Variants in DTNA observed in about 807,000 individuals in gnomAD.
The protein encoded by DTNA is dystrophin-related protein 3.
In DTNA, 43 loss-of-function variants were observed where a neutral mutation model predicts 100.7. The ratio of observed to expected loss-of-function variants is 0.43; its 90% CI spans 0.33 to 0.55. The LOEUF (loss-of-function observed/expected upper bound fraction) is 0.55, where lower values mean the gene tolerates loss of function less well. DTNA is among the 20% of genes least tolerant of loss of function. The probability of loss-of-function intolerance (pLI) is 0.04; values close to 1 mark genes in which losing one functional copy is unlikely to be tolerated. For missense variants in DTNA, 798 were observed against 953.9 expected (o/e 0.84, Z 2.15); for synonymous variants, 349 against 347.9 (o/e 1.00, Z -0.04).
At chr18:34,642,933 C>A (rs1335952242) in intron 1 of DTNA, among the ~76,000 whole-genome samples, 1 of 152,166 alleles carries the variant, frequency 6.6e-6, no homozygotes, top group Non-Finnish European at 1.5e-5. Context: ...TTCAGACCCT[C>A]CCAGAAATGT....
chr18:34,866,041 T>A, intron 17 of DTNA: 2 of 1,578,412 alleles, frequency 1.3e-6, no homozygotes, highest in Non-Finnish European at 1.7e-6. Context: ...CTTGCGTTCC[T>A]TCACACTGTG....
intron 1 of DTNA, among the ~76,000 whole-genome samples, chr18:34,512,286 T>A (rs555484299): frequency 6.6e-5 from 10 of 152,158 alleles, no homozygotes; most frequent in African/African-American, 2.4e-4. Flanking sequence ...AACTTAAGCT[T>A]CAGTACCTTA....
chr18:34,825,126 C>A, intron 9 of DTNA: 1 of 1,127,894 alleles, frequency 8.9e-7, no homozygotes, highest in Non-Finnish European at 1.3e-6. Context: ...GAGGTGCTGC[C>A]AGTCATGAAT....
chr18:34,749,203 TCTAGGAG>T (rs1252845038), intron 1 of DTNA, among the ~76,000 whole-genome samples: 3 of 152,180 alleles, frequency 2.0e-5, no homozygotes, highest in Admixed American at 6.5e-5. Flanking sequence ...ATTTATCAGA[TCTAGGAG>T]CTTTTTGGAC....
At chr18:34,844,045 T>G (rs1252684487) in intron 13 of DTNA, among the ~76,000 whole-genome samples, 2 of 152,122 alleles carry the variant, frequency 1.3e-5, no homozygotes, top group Non-Finnish European at 2.9e-5. Context: ...GAACTGGACT[T>G]CTGAGAAAGA....
intron 2 of DTNA, among the ~76,000 whole-genome samples, chr18:34,763,030 T>C (rs191696136): frequency 3.3e-5 from 5 of 151,952 alleles, no homozygotes; most frequent in African/African-American, 1.2e-4. Flanking sequence ...GCTCAGAGGG[T>C]AAGGTCTTGC....
At chr18:34,566,971 C>T (rs574918103) in intron 1 of DTNA, among the ~76,000 whole-genome samples, 158 of 152,260 alleles carry the variant, frequency 1.0e-3, no homozygotes, top group African/African-American at 3.2e-3. Flanking sequence ...CTGAAATACC[C>T]GGATCGCTGT....
chr18:34,547,551 GC>G (rs1361433222), intron 1 of DTNA, among the ~76,000 whole-genome samples: 8 of 152,108 alleles, frequency 5.3e-5, no homozygotes, highest in African/African-American at 1.9e-4. Flanking sequence ...ATTACACATT[GC>G]CCTTATACTG....
intron 1 of DTNA, among the ~76,000 whole-genome samples, chr18:34,631,161 C>T (rs2058035443): frequency 6.6e-6 from 1 of 152,174 alleles, no homozygotes; most frequent in Non-Finnish European, 1.5e-5. Flanking sequence ...GTTTAAAGCA[C>T]ACGTAGCGCT....
chr18:34,633,006 G>C (rs1303708718), intron 1 of DTNA, among the ~76,000 whole-genome samples: 1 of 152,108 alleles, frequency 6.6e-6, no homozygotes, highest in Non-Finnish European at 1.5e-5. Flanking sequence ...AATTCTGAAA[G>C]TTAGTAAATG....
At position 34,556,079 on chromosome 18, in the gene DTNA, G is replaced by A. The variant is rs567676528; in HGVS notation, c.-2+62565G>A. On this transcript the variant is annotated intron_variant, in intron 1 of 19. Transcript: ENST00000283365. ...CTGTATTGGGTGCATATATATTTAG[G>A]ATAGTTAGCTCTTCTTGTTGAATTG... Among the ~76,000 whole-genome samples, 6 of 151,388 alleles carry A rather than the reference G, an allele frequency of 4.0e-5. No homozygotes were observed. The South Asian group carries it at 1.3e-3, about 32-fold the overall frequency.
intron 4 of DTNA, among the ~76,000 whole-genome samples, chr18:34,801,103 T>G (rs945102943): frequency 1.3e-5 from 2 of 152,200 alleles, no homozygotes. Context: ...CTTTCCATTT[T>G]CAATCAGTTG....
chr18:34,836,387 T>C (rs976865924), intron 11 of DTNA, among the ~76,000 whole-genome samples: 35 of 152,190 alleles, frequency 2.3e-4, no homozygotes, highest in African/African-American at 8.0e-4. Context: ...GCACGGTGGC[T>C]CACACCTGTA....
chr18:34,786,805 A>T (rs887857328), intron 3 of DTNA, among the ~76,000 whole-genome samples: 3 of 152,186 alleles, frequency 2.0e-5, no homozygotes, highest in African/African-American at 7.2e-5. Flanking sequence ...ACCCTTCTAA[A>T]ATAATATGTA....
chr18:34,666,090 T>A (rs900667249), intron 1 of DTNA, among the ~76,000 whole-genome samples: 4 of 152,182 alleles, frequency 2.6e-5, no homozygotes, highest in African/African-American at 9.7e-5. Flanking sequence ...ATCTGTTGTT[T>A]CCTGACTTTT....
intron 1 of DTNA, among the ~76,000 whole-genome samples, chr18:34,538,615 A>T (rs898824869): frequency 7.2e-5 from 11 of 151,962 alleles, no homozygotes; most frequent in African/African-American, 2.7e-4. Context: ...GCAAGAAAAT[A>T]AAAAAATCTT....
chr18:34,703,140 G>A (rs375307434), intron 1 of DTNA, among the ~76,000 whole-genome samples: 9 of 152,178 alleles, frequency 5.9e-5, no homozygotes, highest in Non-Finnish European at 1.0e-4. Flanking sequence ...GTGGATTGTC[G>A]GGTTTCTCTA....
chr18:34,806,350 T>TG, intron 5 of DTNA, 46 bp downstream of exon 5: 2 of 1,535,378 alleles, frequency 1.3e-6, no homozygotes, highest in Non-Finnish European at 1.8e-6. Flanking sequence ...CCTTGCTAGG[T>TG]ACCACCCTTT....
chr18:34,859,381 G>A (rs2096590675), intron 16 of DTNA, among the ~76,000 whole-genome samples: 1 of 152,350 alleles, frequency 6.6e-6, no homozygotes, highest in East Asian at 1.9e-4. Flanking sequence ...CGGTTCAAGA[G>A]CCCTAGTTAC....
Sources: gnomAD v4.1 joint callset for allele counts (sites outside exome capture counted in the v4.1 genomes callset) on GRCh38, gnomAD v4.1.1 for gene constraint, MANE v1.5 for transcripts, NCBI Gene and HGNC (gene_info 2026-07-23, HGNC 2026-07-21) for gene names.